UPK1B: variants seen among roughly 807,000 people sequenced by gnomAD.
UPK1B encodes the protein uroplakin-1b.
In UPK1B, 28 loss-of-function variants were observed where a neutral mutation model predicts 34.2. The observed-to-expected ratio is 0.82, with a 90% confidence interval of 0.61 to 1.12. The LOEUF is 1.12. Among genes scored for constraint, UPK1B ranks in the 50% most tolerant of loss-of-function variants. UPK1B has a pLI of 0.00. For synonymous variants in UPK1B, 81 were observed against 110.4 expected, an observed-to-expected ratio of 0.73 and a Z score of 1.67; for missense variants, 325 against 320.9, an observed-to-expected ratio of 1.01 and a Z score of -0.10.
intron 1 of UPK1B, among the ~76,000 whole-genome samples, chr3:119,183,054 G>C (rs189701027): frequency 6.6e-6 from 1 of 152,290 alleles, no homozygotes; most frequent in African/African-American, 2.4e-5. Flanking sequence ...CCTTTGCAAA[G>C]GTAGAGTCTC....
At chr3:119,179,832 TTTTTTTTTTTG>T (rs2077981083) in intron 1 of UPK1B, among the ~76,000 whole-genome samples, 1 of 112,066 alleles carries the variant, frequency 8.9e-6, no homozygotes, top group Non-Finnish European at 1.9e-5. Context: ...TTTTTTTTTT[TTTTTTTTTTTG>T]AGACGAGTGC....
chr3:119,187,306 G>A (rs1483627376), intron 2 of UPK1B, among the ~76,000 whole-genome samples: 1 of 152,118 alleles, frequency 6.6e-6, no homozygotes, highest in Non-Finnish European at 1.5e-5. Flanking sequence ...CTCTCCCTCT[G>A]ACTCCCCATA....
chr3:119,180,685 T>TAAA lies in UPK1B; in HGVS notation c.-28-6028_-28-6026dup, dbSNP rs1249117416. Among the ~76,000 whole-genome samples the TAAA allele has an allele frequency of 4.0e-3, 586 of 146,024 alleles. 5 individuals are homozygous for TAAA. Among genetic ancestry groups the TAAA allele is most frequent in the African/African-American group, 0.014 (557 of 40,502 alleles). ...AATTCATAATGTCTTTTTTTTTTTTTAAATATCCATTAGTGTGGAACTGTG... is the reference window on the plus strand; with the variant it reads ...AATTCATAATGTCTTTTTTTTTTTTTAAAAAATATCCATTAGTGTGGAACTGTG... On this transcript the variant is annotated intron_variant, in intron 1 of 7. Coordinates refer to ENST00000264234, the MANE Select transcript of UPK1B (RefSeq NM_006952.4).
intron 1 of UPK1B, among the ~76,000 whole-genome samples, chr3:119,179,399 T>TATATATATATATATATATATA (rs1559900078): frequency 1.8e-5 from 1 of 54,314 alleles, no homozygotes; most frequent in Admixed American, 2.4e-4. Flanking sequence ...ATATATATAT[T>TATATATATATATATATATATA]AATTCTAAGG....
intron 6 of UPK1B, among the ~76,000 whole-genome samples, chr3:119,196,909 T>A (rs941819525): frequency 1.3e-5 from 2 of 152,130 alleles, no homozygotes; most frequent in Non-Finnish European, 2.9e-5. Context: ...CATGCTGCAA[T>A]CACAGCTTAT....
At chr3:119,182,374 C>T (rs140605790) in intron 1 of UPK1B, among the ~76,000 whole-genome samples, 1 of 152,272 alleles carries the variant, frequency 6.6e-6, no homozygotes, top group African/African-American at 2.4e-5. Flanking sequence ...ATATATAAAA[C>T]AAAATCATAA....
intron 2 of UPK1B, among the ~76,000 whole-genome samples, chr3:119,187,081 C>T (rs1307368669): frequency 2.6e-5 from 4 of 152,206 alleles, no homozygotes; most frequent in Non-Finnish European, 5.9e-5. Context: ...TCTAAACACT[C>T]TGACTACGAA....
intron 3 of UPK1B, among the ~76,000 whole-genome samples, chr3:119,189,731 C>T (rs964349357): frequency 6.6e-6 from 1 of 152,218 alleles, no homozygotes. Flanking sequence ...CCTAGATGTT[C>T]AACATTATCC....
intron 7 of UPK1B, among the ~76,000 whole-genome samples, chr3:119,200,002 T>C (rs967408559): frequency 6.6e-5 from 10 of 152,220 alleles, no homozygotes; most frequent in African/African-American, 1.9e-4. Context: ...TATTTTATAA[T>C]AGTGACTTTT....
At chr3:119,177,170 C>T (rs1011536666) in intron 1 of UPK1B, among the ~76,000 whole-genome samples, 9 of 152,126 alleles carry the variant, frequency 5.9e-5, no homozygotes, top group Admixed American at 6.5e-5. Flanking sequence ...TTAGGGTAAA[C>T]GGTGAGGAAG....
At chr3:119,185,925 G>C (rs1014968863) in intron 1 of UPK1B, among the ~76,000 whole-genome samples, 34 of 152,272 alleles carry the variant, frequency 2.2e-4, no homozygotes, top group Non-Finnish European at 5.0e-4. Context: ...AGTCACTGTG[G>C]GCTGTGGGGA....
At chr3:119,177,783 G>C (rs569902881) in intron 1 of UPK1B, among the ~76,000 whole-genome samples, 99 of 152,310 alleles carry the variant, frequency 6.5e-4, no homozygotes, top group African/African-American at 2.3e-3. Flanking sequence ...ACAAACTTGG[G>C]TGAAGAAAAG....
At chr3:119,197,881 G>A (rs908666991) in intron 6 of UPK1B, among the ~76,000 whole-genome samples, 7 of 152,172 alleles carry the variant, frequency 4.6e-5, no homozygotes, top group African/African-American at 1.4e-4. Context: ...TATTTGCAGA[G>A]GTTTGAATTA....
intron 1 of UPK1B, among the ~76,000 whole-genome samples, chr3:119,177,633 T>C (rs951687122): frequency 6.6e-6 from 1 of 152,206 alleles, no homozygotes; most frequent in Non-Finnish European, 1.5e-5. Flanking sequence ...CTACCAAAAG[T>C]GTAGTCATTG....
intron 6 of UPK1B, among the ~76,000 whole-genome samples, chr3:119,198,655 T>C (rs1432780578): frequency 6.6e-6 from 1 of 152,212 alleles, no homozygotes; most frequent in Non-Finnish European, 1.5e-5. Flanking sequence ...AGAAGCATTT[T>C]TATTCAAAAA....
chr3:119,183,482 G>A lies in UPK1B; in HGVS notation c.-28-3232G>A, dbSNP rs554101058. Among the ~76,000 whole-genome samples, 23 of 152,022 alleles carry A rather than the reference G, an allele frequency of 1.5e-4. No homozygotes were observed. The East Asian group carries it at 2.7e-3, about 18-fold the overall frequency. ...TTGCCATGTTGGCCAGGCTGGTCTC[G>A]AACTCCTCACCTCAGGTGATCTGCC... is the stretch of plus-strand genomic sequence containing the variant. On this transcript the variant is annotated intron_variant, in intron 1 of 7. Coordinates refer to ENST00000264234, the MANE Select transcript of UPK1B (RefSeq NM_006952.4).
intron 7 of UPK1B, among the ~76,000 whole-genome samples, chr3:119,201,987 C>A (rs548545002): frequency 6.6e-6 from 1 of 152,260 alleles, no homozygotes; most frequent in East Asian, 1.9e-4. Context: ...AACTCCAAAC[C>A]AGTTGTAACC....
At chr3:119,196,742 GTT>G (rs957511546) in intron 6 of UPK1B, among the ~76,000 whole-genome samples, 1 of 151,988 alleles carries the variant, frequency 6.6e-6, no homozygotes, top group African/African-American at 2.4e-5. Flanking sequence ...GTTTCACCAT[GTT>G]GGCCAGGATG....
intron 6 of UPK1B, among the ~76,000 whole-genome samples, chr3:119,195,358 T>C (rs1285917385): frequency 1.3e-5 from 2 of 152,180 alleles, no homozygotes; most frequent in African/African-American, 2.4e-5. Flanking sequence ...CATTAAATAA[T>C]TGAGAAATGT....
Sources: allele counts gnomAD v4.1 joint callset (sites outside exome capture counted in the v4.1 genomes callset), GRCh38; gene constraint gnomAD v4.1.1; transcripts MANE v1.5; gene names NCBI Gene and HGNC (gene_info 2026-07-23, HGNC 2026-07-21).